Variants in ARHGAP15 observed in about 807,000 individuals in gnomAD.
ARHGAP15 encodes the protein rho GTPase-activating protein 15.
Under a neutral mutation model 63.7 loss-of-function variants are expected in ARHGAP15, and 51 were observed. The observed-to-expected ratio is 0.80, with a 90% CI of 0.64 to 1.01. The LOEUF is 1.01. Ranked by LOEUF, ARHGAP15 falls within the 50% of genes least tolerant of loss-of-function variation. The pLI is 0.00. For synonymous variants in ARHGAP15, 191 were observed against 193.8 expected (o/e 0.99, Z 0.12); for missense variants, 560 against 564.6 (o/e 0.99, Z 0.08).
intron 11 of ARHGAP15, among the ~76,000 whole-genome samples, chr2:143,603,276 C>T (rs187571782): frequency 3.6e-4 from 55 of 152,246 alleles, no homozygotes; most frequent in Non-Finnish European, 6.8e-4. Flanking sequence ...AGAGAGTTAC[C>T]TCAGGCTATG....
At chr2:143,153,835 T>TC (rs1159391204) in intron 1 of ARHGAP15, among the ~76,000 whole-genome samples, 3,255 of 81,590 alleles carry the variant, frequency 0.04, 236 homozygotes, top group Middle Eastern at 0.063. Context: ...TTCTTCTTCT[T>TC]CTTCTTCTTC....
intron 13 of ARHGAP15, among the ~76,000 whole-genome samples, chr2:143,727,754 C>T (rs928804302): frequency 2.6e-5 from 4 of 152,248 alleles, no homozygotes; most frequent in African/African-American, 7.2e-5. Flanking sequence ...ATTCAATAAA[C>T]TGTTATATAT....
chr2:143,694,306 T>A (rs1683746389), intron 12 of ARHGAP15, among the ~76,000 whole-genome samples: 1 of 152,200 alleles, frequency 6.6e-6, no homozygotes, highest in African/African-American at 2.4e-5. Context: ...AAAAGGTATC[T>A]ACAACATACA....
chr2:143,617,565 A>T (rs1002178248), intron 11 of ARHGAP15, among the ~76,000 whole-genome samples: 17 of 152,212 alleles, frequency 1.1e-4, no homozygotes, highest in Admixed American at 6.5e-4. Context: ...ATGGGGACCC[A>T]CATGACCTCA....
chr2:143,552,581 G>A (rs566498082), intron 10 of ARHGAP15, among the ~76,000 whole-genome samples: 12 of 151,988 alleles, frequency 7.9e-5, no homozygotes, highest in African/African-American at 2.4e-4. Flanking sequence ...GGAGGCAGGG[G>A]AAGACTTTTA....
chr2:143,367,454 T>C (rs1189044463), intron 6 of ARHGAP15, among the ~76,000 whole-genome samples: 2 of 151,402 alleles, frequency 1.3e-5, no homozygotes, highest in Non-Finnish European at 2.9e-5. Flanking sequence ...ACACAACTTA[T>C]CCTGCATATT....
intron 12 of ARHGAP15, among the ~76,000 whole-genome samples, chr2:143,676,806 T>G (rs911923667): frequency 6.6e-6 from 1 of 151,952 alleles, no homozygotes; most frequent in African/African-American, 2.4e-5. Flanking sequence ...AGACACAAAA[T>G]GGGCACATAC....
chr2:143,481,001 G>A (rs553225687), intron 8 of ARHGAP15, among the ~76,000 whole-genome samples: 1 of 152,310 alleles, frequency 6.6e-6, no homozygotes, highest in South Asian at 2.1e-4. Flanking sequence ...GTTGGAAAAT[G>A]TGAGTGGAGA....
chr2:143,261,485 C>T (rs1426887623), intron 6 of ARHGAP15, among the ~76,000 whole-genome samples: 1 of 150,736 alleles, frequency 6.6e-6, no homozygotes, highest in African/African-American at 2.4e-5. Flanking sequence ...ATTACAGGAA[C>T]CCACCACCAC....
chr2:143,595,554 A>G (rs1285803508), intron 11 of ARHGAP15, among the ~76,000 whole-genome samples: 2 of 152,124 alleles, frequency 1.3e-5, no homozygotes, highest in African/African-American at 4.8e-5. Flanking sequence ...GATTCCTAAA[A>G]TCAGCAAGTA....
intron 2 of ARHGAP15, among the ~76,000 whole-genome samples, chr2:143,192,256 A>G (rs1691711551): frequency 1.3e-5 from 2 of 152,220 alleles, no homozygotes; most frequent in South Asian, 4.1e-4. Context: ...TGGAACTTGG[A>G]CTGGAGAATG....
intron 1 of ARHGAP15, among the ~76,000 whole-genome samples, chr2:143,149,385 C>T (rs1689724717): frequency 6.6e-6 from 1 of 152,000 alleles, no homozygotes; most frequent in Non-Finnish European, 1.5e-5. Flanking sequence ...TGAGATTTTA[C>T]TCACAAAACT....
intron 12 of ARHGAP15, among the ~76,000 whole-genome samples, chr2:143,661,934 C>G (rs560304175): frequency 1.1e-4 from 17 of 152,280 alleles, no homozygotes; most frequent in Admixed American, 2.6e-4. Flanking sequence ...CACAGAGTCT[C>G]GCTGATTGCT....
chr2:143,241,591 T>C (rs888859155), intron 5 of ARHGAP15, among the ~76,000 whole-genome samples: 1 of 152,160 alleles, frequency 6.6e-6, no homozygotes, highest in African/African-American at 2.4e-5. Flanking sequence ...TAAGTATAAA[T>C]AATTGGCCAC....
intron 12 of ARHGAP15, among the ~76,000 whole-genome samples, chr2:143,682,480 A>G (rs1283306910): frequency 1.3e-5 from 2 of 152,218 alleles, no homozygotes; most frequent in African/African-American, 4.8e-5. Context: ...ACATGATTAC[A>G]TATATACATA....
intron 2 of ARHGAP15, among the ~76,000 whole-genome samples, chr2:143,169,986 C>T (rs188564622): frequency 1.3e-5 from 2 of 152,032 alleles, no homozygotes; most frequent in African/African-American, 4.8e-5. Context: ...TAGAAAATTG[C>T]TATTATCATT....
chr2:143,725,798 T>C (rs1685246824), intron 13 of ARHGAP15, among the ~76,000 whole-genome samples: 1 of 152,212 alleles, frequency 6.6e-6, no homozygotes. Flanking sequence ...AGGTAACTCA[T>C]TAATGCCGGT....
chr2:143,557,741 C>G (rs1047572575), intron 11 of ARHGAP15, among the ~76,000 whole-genome samples: 1 of 152,056 alleles, frequency 6.6e-6, no homozygotes, highest in Non-Finnish European at 1.5e-5. Context: ...TGTTAACTCT[C>G]TGTACTTTCT....
At chr2:143,311,383 A>ATT (rs1371720082) in intron 6 of ARHGAP15, among the ~76,000 whole-genome samples, 1 of 151,990 alleles carries the variant, frequency 6.6e-6, no homozygotes, top group Non-Finnish European at 1.5e-5. Flanking sequence ...TAATTTGAAA[A>ATT]ATTTCATTCA....
Sources: gnomAD v4.1 joint callset for allele counts (sites outside exome capture counted in the v4.1 genomes callset) on GRCh38, gnomAD v4.1.1 for gene constraint, MANE v1.5 for transcripts, NCBI Gene and HGNC (gene_info 2026-07-23, HGNC 2026-07-21) for gene names.